Variants in PDIA5 observed in about 807,000 individuals in gnomAD.
PDIA5 encodes the protein protein disulfide-isomerase A5.
In PDIA5, 58 loss-of-function variants were observed where a neutral mutation model predicts 77.6. That is an observed-to-expected ratio of 0.75 (90% confidence interval 0.61 to 0.93). The LOEUF (loss-of-function observed/expected upper bound fraction) is 0.93. PDIA5 is among the 40% of genes least tolerant of loss of function. The probability of loss-of-function intolerance (pLI) is 0.00; values close to 1 mark genes in which losing one functional copy is unlikely to be tolerated. For synonymous variants in PDIA5, 250 were observed against 252.1 expected, an observed-to-expected ratio of 0.99 and a Z score of 0.08; for missense variants, 630 against 647.7, an observed-to-expected ratio of 0.97 and a Z score of 0.30.
intron 1 of PDIA5, among the ~76,000 whole-genome samples, chr3:123,080,196 A>G (rs1412357432): frequency 6.6e-6 from 1 of 152,084 alleles, no homozygotes; most frequent in Non-Finnish European, 1.5e-5. Context: ...GCCCTCCAAG[A>G]TGATATGGGT....
At chr3:123,134,009 C>G (rs1935433454) in intron 11 of PDIA5, among the ~76,000 whole-genome samples, 1 of 150,098 alleles carries the variant, frequency 6.7e-6, no homozygotes, top group African/African-American at 2.5e-5. Flanking sequence ...TTTTCCTTTT[C>G]TTTTCTTTTC....
chr3:123,089,037 G>A, intron 1 of PDIA5, 131 bp from the exon 2 acceptor site: 1 of 761,662 alleles, frequency 1.3e-6, no homozygotes, highest in East Asian at 2.6e-5. Context: ...TAGGTGTGGT[G>A]CATGAGATGT....
At chr3:123,111,854 G>A (rs1447540200) in intron 7 of PDIA5, among the ~76,000 whole-genome samples, 1 of 152,132 alleles carries the variant, frequency 6.6e-6, no homozygotes, top group African/African-American at 2.4e-5. Context: ...CAGATGTAAT[G>A]CCCACTATTT....
chr3:123,129,126 A>G (rs1371625738), intron 10 of PDIA5, among the ~76,000 whole-genome samples: 2 of 152,214 alleles, frequency 1.3e-5, no homozygotes, highest in East Asian at 1.9e-4. Flanking sequence ...TGTATTGTAA[A>G]GATAAATTGC....
chr3:123,090,781 C>T (rs967017655), intron 2 of PDIA5, among the ~76,000 whole-genome samples: 2 of 152,162 alleles, frequency 1.3e-5, no homozygotes, highest in African/African-American at 4.8e-5. Context: ...AGCTCTCTTT[C>T]CCTCACCCGA....
intron 7 of PDIA5, 55 bp downstream of exon 7, chr3:123,111,059 G>A (rs1165015150): frequency 2.1e-6 from 3 of 1,413,142 alleles, no homozygotes; most frequent in African/African-American, 1.4e-5. Context: ...CTTTGTGGGT[G>A]GGAGGCAGGT....
At chr3:123,149,810 C>T (rs1390490559) in intron 13 of PDIA5, among the ~76,000 whole-genome samples, 1 of 152,170 alleles carries the variant, frequency 6.6e-6, no homozygotes, top group Non-Finnish European at 1.5e-5. Flanking sequence ...CGCCTCACTC[C>T]TTGGCCCATG....
intron 1 of PDIA5, among the ~76,000 whole-genome samples, chr3:123,088,340 G>C (rs948724965): frequency 1.3e-5 from 2 of 152,114 alleles, no homozygotes; most frequent in African/African-American, 4.8e-5. Context: ...TTCTCTGGGG[G>C]AGAATTGGCT....
rs1935190140 is a variant in PDIA5 at position 123,124,261 on chromosome 3, A to G, written c.702-11A>G. 1.9e-6 allele frequency: 3 copies of G among 1,609,556 alleles called. No homozygotes were observed. Among genetic ancestry groups the G allele is most frequent in the Non-Finnish European group, 2.6e-6 (3 of 1,175,804 alleles). ...GTGACTGAGCCCACGTTGTTTCTCC[A>G]CGTTTCACAGGAAAGGACGGTTCTT... On this transcript the variant is annotated splice_polypyrimidine_tract_variant and intron_variant, in intron 9 of 16. Coordinates refer to ENST00000316218, the MANE Select transcript of PDIA5 (RefSeq NM_006810.4).
At chr3:123,117,542 C>G (rs1419958301) in intron 8 of PDIA5, among the ~76,000 whole-genome samples, 1 of 151,478 alleles carries the variant, frequency 6.6e-6, no homozygotes, top group Non-Finnish European at 1.5e-5. Flanking sequence ...ATGATTTTGA[C>G]TATTTTAAGT....
chr3:123,097,238 G>A (rs868189819), intron 3 of PDIA5, among the ~76,000 whole-genome samples: 19 of 152,276 alleles, frequency 1.2e-4, no homozygotes, highest in East Asian at 3.9e-4. Context: ...AAGAACTGTC[G>A]TGTTTATCTT....
At chr3:123,081,409 G>A (rs1334873133) in intron 1 of PDIA5, among the ~76,000 whole-genome samples, 1 of 152,162 alleles carries the variant, frequency 6.6e-6, no homozygotes, top group Non-Finnish European at 1.5e-5. Context: ...TTCTCAGCCC[G>A]CTCAAGTTCT....
rs1935921681 is a variant in PDIA5, at chr3:123,152,015, TCCTGCCTTCCTTCCTG to T, written c.1273+1692_1273+1707del. 2.5e-4 allele frequency among the ~76,000 whole-genome samples: 30 copies of T among 120,690 alleles called. 1 individual carries two copies. Among genetic ancestry groups the T allele is most frequent in the South Asian group, 4.9e-4 (2 of 4,102 alleles). 79.2% of individuals were successfully genotyped at this position (120,690 alleles called of 152,430 possible). Reference sequence around the variant, plus strand: ...TTCCTGCCTTCCTTCCTTCCTTCCTTCCTGCCTTCCTTCCTGCCTGCCTTCCTTCCTGCCTGCCTTC... The same window carrying T: ...TTCCTGCCTTCCTTCCTTCCTTCCTTCCTGCCTTCCTTCCTGCCTGCCTTC... On this transcript the variant is annotated intron_variant, in intron 14 of 16. Transcript: ENST00000316218.
At chr3:123,068,955 G>GT (rs1933658189) in intron 1 of PDIA5, among the ~76,000 whole-genome samples, 1 of 152,220 alleles carries the variant, frequency 6.6e-6, no homozygotes, top group Non-Finnish European at 1.5e-5. Context: ...ATGTGTGGTA[G>GT]TTAGCTAGGC....
In PDIA5 at chr3:123,140,182, G is replaced by A. The variant is rs149694627; in HGVS notation, c.911-5340G>A. Among the ~76,000 whole-genome samples the A allele has an allele frequency of 9.2e-5, 14 of 152,174 alleles. No homozygotes were observed. In the South Asian group the frequency reaches 1.2e-3, roughly 14 times the overall value. Reference sequence around the variant, plus strand: ...GAAAGAACATGTTCCAGGGCCCTGGGGTAGAAATGAACTTGGTGTGTTGGG... The same window carrying A: ...GAAAGAACATGTTCCAGGGCCCTGGAGTAGAAATGAACTTGGTGTGTTGGG... On this transcript the variant is annotated intron_variant, in intron 11 of 16. Coordinates refer to ENST00000316218, the MANE Select transcript of PDIA5 (RefSeq NM_006810.4).
chr3:123,072,484 G>A (rs1933747200), intron 1 of PDIA5, among the ~76,000 whole-genome samples: 1 of 152,110 alleles, frequency 6.6e-6, no homozygotes, highest in Non-Finnish European at 1.5e-5. Flanking sequence ...CCAGAGAGAG[G>A]CTGCATGATT....
At chr3:123,152,749 T>G (rs1341698617) in intron 14 of PDIA5, among the ~76,000 whole-genome samples, 1 of 152,132 alleles carries the variant, frequency 6.6e-6, no homozygotes, top group Non-Finnish European at 1.5e-5. Flanking sequence ...CCACCATGTC[T>G]GCCCCTGCAT....
intron 1 of PDIA5, among the ~76,000 whole-genome samples, chr3:123,073,846 G>A (rs977959014): frequency 1.3e-5 from 2 of 152,194 alleles, no homozygotes; most frequent in South Asian, 2.1e-4. Context: ...TCTGGAAGTC[G>A]TGAGCAGGTC....
intron 7 of PDIA5, among the ~76,000 whole-genome samples, chr3:123,113,457 C>T (rs73856818): frequency 0.014 from 2,102 of 152,224 alleles, 44 homozygotes; most frequent in African/African-American, 0.047. Context: ...AAATTAGGTA[C>T]CTCACAGAGT....
Sources: gnomAD v4.1 joint callset for allele counts (sites outside exome capture counted in the v4.1 genomes callset) on GRCh38, gnomAD v4.1.1 for gene constraint, MANE v1.5 for transcripts, NCBI Gene and HGNC (gene_info 2026-07-23, HGNC 2026-07-21) for gene names.